The following EHMT2 variants were observed in gnomAD, a reference collection of about 807,000 sequenced individuals.
EHMT2 encodes the protein histone-lysine N-methyltransferase EHMT2.
In EHMT2, 59 loss-of-function variants were observed where a neutral mutation model predicts 143.3. That is an observed-to-expected ratio of 0.41 (90% confidence interval 0.33 to 0.51). EHMT2 has a LOEUF of 0.51. Ranked by LOEUF, EHMT2 falls within the 20% of genes least tolerant of loss-of-function variation. EHMT2 has a pLI of 0.18. For synonymous variants in EHMT2, 604 were observed against 651.5 expected (o/e 0.93, Z 1.11); for missense variants, 1,174 against 1,645.9 (o/e 0.71, Z 4.96).
At position 31,880,251 on chromosome 6, in the gene EHMT2, C is replaced by T; in HGVS notation, c.3466G>A (p.Asp1156Asn). 1 of 1,611,680 alleles carries T rather than the reference C, an allele frequency of 6.2e-7. No homozygotes were observed. Among genetic ancestry groups the T allele is most frequent in the Non-Finnish European group, 8.5e-7 (1 of 1,178,978 alleles). The change falls in exon 28 of 28, where the codon GAC (aspartate) becomes AAC (asparagine). Residue 1156 changes from aspartate to asparagine, a missense_variant. Around this residue, in one of 6 missense-constraint regions of EHMT2, gnomAD observed 44 missense variants for 113.5 expected, o/e 0.39. Coordinates refer to ENST00000375537, the Ensembl canonical transcript of EHMT2. This position sits in a 1 kb window ranked among gnomAD's most constrained non-coding sequence, Gnocchi z 6.6. ...TTGCTTTTGATGTCCCAGAAGCGGT[C>T]GCCATAGTCAAACCTGTCAGAGGAA... is the stretch of plus-strand genomic sequence containing the variant.
At position 31,888,070 on chromosome 6, in the gene EHMT2, G is replaced by T; in HGVS notation, c.1716C>A (p.Val572=). ...GCTGAGAAGTGTCTGCTCTCCCGGGGACATCCTGGGACAGGGGTGGGGGTG... is the reference window on the plus strand; with the variant it reads ...GCTGAGAAGTGTCTGCTCTCCCGGGTACATCCTGGGACAGGGGTGGGGGTG... The change falls in exon 13 of 28, where the codon GTC becomes GTA. Residue 572 remains valine (V), a synonymous_variant. Coordinates refer to ENST00000375537, the Ensembl canonical transcript of EHMT2. The surrounding 1 kb of genome is among the most constrained non-coding windows in gnomAD (Gnocchi z 7.4). 3 of 1,600,596 alleles carry T rather than the reference G, an allele frequency of 1.9e-6. No homozygotes were observed. The highest frequency in any genetic ancestry group is 1.7e-4 in the Middle Eastern group (1 of 6,004).
chr6:31,889,369 G>C lies in EHMT2; in HGVS notation c.1000-27C>G. ...TGGGAAGGGGGAGGAGGAGGAGTTAGGAACCCTCACCCCCAGGGGCCCCCC... is the reference window on the plus strand; with the variant it reads ...TGGGAAGGGGGAGGAGGAGGAGTTACGAACCCTCACCCCCAGGGGCCCCCC... On this transcript the variant is annotated intron_variant, in intron 8 of 27. Coordinates refer to ENST00000375537, the Ensembl canonical transcript of EHMT2. The surrounding 1 kb of genome is among the most constrained non-coding windows in gnomAD (Gnocchi z 5.1). The C allele has an allele frequency of 6.2e-7, 1 of 1,610,542 alleles. No homozygotes were observed. The highest frequency in any genetic ancestry group is 1.7e-4 in the Middle Eastern group (1 of 6,058).
chr6:31,893,498 T>C (rs764464699), intron 4 of EHMT2: 1 of 331,612 alleles, frequency 3.0e-6, no homozygotes, highest in Non-Finnish European at 6.0e-6. Context: ...CTTCTTAATT[T>C]TTTTTTTTGG....
In EHMT2 at chr6:31,884,000, A is replaced by G. The variant is rs539020776; in HGVS notation, c.2772-50T>C. 2.5e-4 allele frequency: 401 copies of G among 1,597,032 alleles called. 7 individuals carry two copies. The South Asian group carries it at 3.6e-3, about 14-fold the overall frequency. On this transcript the variant is annotated intron_variant, in intron 21 of 27. Coordinates refer to ENST00000375537, the Ensembl canonical transcript of EHMT2. The surrounding 1 kb of genome is among the most constrained non-coding windows in gnomAD (Gnocchi z 5.6). ...TGGGAAGCTGGAAAAGGGGGTGAGG[A>G]GCTACTCCAGGTATAAGGAAGAGAG... is the stretch of plus-strand genomic sequence containing the variant.
exon 28 of EHMT2, chr6:31,879,778 TTTA>T (rs1713701163): frequency 1.1e-5 from 5 of 447,242 alleles, no homozygotes; most frequent in Non-Finnish European, 1.6e-5. Flanking sequence ...AAACCCAACA[TTTA>T]TTGAGAACAA....
chr6:31,883,890 C>A lies in EHMT2; in HGVS notation c.2832G>T (p.Glu944Asp), dbSNP rs1174468699. ...TGTACTTGTAATCCTCAGGGCAGGG[C>A]TCCCCATCCACACCGTTGACACAGG... Residue 944 changes from glutamate to aspartate, a missense_variant, in exon 22 of 28, where the codon GAG (glutamate) becomes GAT (aspartate). Glu to Asp is a conservative substitution (Grantham distance 45). Transcript: ENST00000375537. The surrounding 1 kb of genome is among the most constrained non-coding windows in gnomAD (Gnocchi z 5.6). The A allele has an allele frequency of 6.2e-7, 1 of 1,613,864 alleles. No homozygotes were observed.
chr6:31,884,006 TC>T lies in EHMT2; in HGVS notation c.2772-57del. ...GCTGGAAAAGGGGGTGAGGAGCTAC[TC>T]CAGGTATAAGGAAGAGAGTTGGGGA... is the stretch of plus-strand genomic sequence containing the variant. On this transcript the variant is annotated intron_variant, in intron 21 of 27. Transcript: ENST00000375537. This position sits in a 1 kb window ranked among gnomAD's most constrained non-coding sequence, Gnocchi z 7.3. 6.3e-7 allele frequency: 1 copy of T among 1,590,202 alleles called. No homozygotes were observed. The highest frequency in any genetic ancestry group is 8.6e-7 in the Non-Finnish European group (1 of 1,166,756).
At chr6:31,897,272 G>A (rs1418414438) in intron 1 of EHMT2, 9 of 721,678 alleles carry the variant, frequency 1.2e-5, no homozygotes, top group African/African-American at 3.3e-5. Flanking sequence ...CCCTCCTCCC[G>A]GCTGCACGCG....
At chr6:31,885,175 T>C (rs918537067) in intron 18 of EHMT2, 159 bp from the exon 19 acceptor site, 1 of 1,037,940 alleles carries the variant, frequency 9.6e-7, no homozygotes, top group African/African-American at 1.6e-5. Flanking sequence ...AGTTTCTTCA[T>C]CTAAAAAATG....
At position 31,889,472 on chromosome 6, in the gene EHMT2, TCTGA is replaced by T. The variant is rs924823335; in HGVS notation, c.991_994del (p.Ser331IlefsTer22). On this transcript the variant is annotated frameshift_variant, in exon 8 of 28. Transcript: ENST00000375537. LOFTEE classifies it high-confidence loss of function. This position sits in a 1 kb window ranked among gnomAD's most constrained non-coding sequence, Gnocchi z 5.1. ...ATATCAGCCTCCGTCTCTTACCCTA[TCTGA>T]CTGATTCCCTGACTCCTCATCTTCC... 2 of 1,612,800 alleles carry T rather than the reference TCTGA, an allele frequency of 1.2e-6. No individual in the cohort carries two copies. Among genetic ancestry groups the T allele is most frequent in the Non-Finnish European group, 1.7e-6 (2 of 1,179,988 alleles).
chr6:31,893,082 G>C, intron 4 of EHMT2, 172 bp from the exon 5 acceptor site: 1 of 582,094 alleles, frequency 1.7e-6, no homozygotes, highest in Non-Finnish European at 3.0e-6. Context: ...GAGGAAGAGT[G>C]TCAAGCACAC....
At chr6:31,891,020 G>A (rs1160882096) in intron 7 of EHMT2, among the ~76,000 whole-genome samples, 3 of 151,108 alleles carry the variant, frequency 2.0e-5, no homozygotes, top group African/African-American at 7.3e-5. Flanking sequence ...TTGGCTCACT[G>A]CAACCTCCAC....
chr6:31,882,005 T>C (rs1764164393), intron 25 of EHMT2, among the ~76,000 whole-genome samples: 1 of 151,704 alleles, frequency 6.6e-6, no homozygotes, highest in Non-Finnish European at 1.5e-5. Flanking sequence ...CTTGGGAGGC[T>C]GAGGCAGGAG....
intron 4 of EHMT2, among the ~76,000 whole-genome samples, chr6:31,895,027 C>T (rs954478752): frequency 6.6e-6 from 1 of 152,194 alleles, no homozygotes; most frequent in African/African-American, 2.4e-5. Context: ...TTTTCCTTTT[C>T]TTCCCTATTC....
exon 1 of EHMT2, chr6:31,897,643 G>GCCGCCGCCGCTGCAGCTC (rs1435010790): frequency 5.6e-5 from 65 of 1,158,236 alleles, no homozygotes; most frequent in Middle Eastern, 7.1e-4. Context: ...CACCTCGGCG[G>GCCGCCGCCGCTGCAGCTC]CCGCCGCCGC....
In EHMT2 at chr6:31,883,087, C is replaced by G; in HGVS notation, c.2995-78G>C. 2 of 1,340,726 alleles carry G rather than the reference C, an allele frequency of 1.5e-6. No individual in the cohort carries two copies. Among genetic ancestry groups the G allele is most frequent in the Admixed American group, 1.9e-5 (1 of 52,476 alleles). 83.1% of individuals were successfully genotyped at this position (1,340,726 alleles called of 1,614,324 possible). A position where few individuals can be genotyped will look rare whatever the true frequency, so the allele number is the denominator to read the frequency against. On this transcript the variant is annotated intron_variant, in intron 23 of 27. Transcript: ENST00000375537. The surrounding 1 kb of genome is among the most constrained non-coding windows in gnomAD (Gnocchi z 5.6). ...CCCACCCAGGAACCCCAAGACTCTA[C>G]AGAGACAGGGAAGTTGGGGTTGGGG...
At chr6:31,887,946 C>T (rs1173867724) in exon 14 of EHMT2, 2 of 1,596,242 alleles carry the variant, frequency 1.3e-6, no homozygotes, top group Non-Finnish European at 1.7e-6. Flanking sequence ...GTTCCCCATG[C>T]CCTCGCATCC....
chr6:31,885,309 C>A, intron 18 of EHMT2: 1 of 282,178 alleles, frequency 3.5e-6, no homozygotes. Context: ...AACCCTGTCT[C>A]TACTAAAAAA....
rs1392196004 is a variant in EHMT2 at position 31,880,352 on chromosome 6, G to A, written c.3453-88C>T. The A allele has an allele frequency of 8.9e-6, 13 of 1,456,316 alleles. No homozygotes were observed. The highest frequency in any genetic ancestry group is 4.0e-4 in the Middle Eastern group (2 of 5,048). The allele number at this position is 1,456,316 out of a possible 1,614,324, so 90.2% of individuals were successfully genotyped here. A position where few individuals can be genotyped will look rare whatever the true frequency, so the allele number is the denominator to read the frequency against. ...ACCCTGTGGATCCTGCTCCCTGAGA[G>A]GGACCCGACACCCAACCTATCTTCT... On this transcript the variant is annotated intron_variant, in intron 27 of 27. Coordinates refer to ENST00000375537, the Ensembl canonical transcript of EHMT2. This position sits in a 1 kb window ranked among gnomAD's most constrained non-coding sequence, Gnocchi z 6.6.
Sources: allele counts gnomAD v4.1 joint callset (sites outside exome capture counted in the v4.1 genomes callset), GRCh38; gene constraint gnomAD v4.1.1; regional missense constraint gnomAD v4.1.1; non-coding constraint Gnocchi (gnomAD v3.1); transcripts MANE v1.5; gene names NCBI Gene and HGNC (gene_info 2026-07-23, HGNC 2026-07-21).